The following RCL1 variants were observed in gnomAD, a reference collection of about 807,000 sequenced individuals.
The protein encoded by RCL1 is RNA terminal phosphate cyclase like 1, also known as RNA 3'-terminal phosphate cyclase-like protein.
RCL1 carries 24 observed loss-of-function variants against 42.4 expected under a neutral mutation model. The observed-to-expected ratio is 0.57, with a 90% CI of 0.41 to 0.80. RCL1 has a LOEUF of 0.80. RCL1 is among the 30% of genes least tolerant of loss of function. The pLI is 0.00. For synonymous variants in RCL1, 228 were observed against 177.3 expected (o/e 1.29, Z -2.27); for missense variants, 578 against 467.9 (o/e 1.24, Z -2.17).
intron 3 of RCL1, 129 bp from the exon 4 acceptor site, chr9:4,833,025 T>A: frequency 1.5e-6 from 1 of 660,856 alleles, no homozygotes; most frequent in South Asian, 1.6e-5. Context: ...CGCTCAGTTA[T>A]ATGCCAGCAT....
chr9:4,824,310 A>G (rs1816687429), intron 2 of RCL1, among the ~76,000 whole-genome samples: 2 of 151,358 alleles, frequency 1.3e-5, no homozygotes, highest in Non-Finnish European at 1.5e-5. Context: ...ATTTGCTTAC[A>G]TGGACATTTG....
chr9:4,798,861 C>T (rs562793935), intron 1 of RCL1, among the ~76,000 whole-genome samples: 77 of 147,168 alleles, frequency 5.2e-4, no homozygotes, highest in African/African-American at 1.9e-3. Context: ...TTTTGGCTGC[C>T]CAAAATAAGA....
At chr9:4,831,037 G>A (rs1359422146) in intron 3 of RCL1, among the ~76,000 whole-genome samples, 4 of 152,086 alleles carry the variant, frequency 2.6e-5, no homozygotes, top group Non-Finnish European at 5.9e-5. Context: ...CTCATTTTAC[G>A]AAGGAGGAAA....
In RCL1 at chr9:4,834,150, C is replaced by A; in HGVS notation, c.469C>A (p.Arg157=). ...CTCACTCTCTGTGTAGATTGTGCGACGGGGAATGCCTCCCGGAGGAGGAGG... is the reference window on the plus strand; with the variant it reads ...CTCACTCTCTGTGTAGATTGTGCGAAGGGGAATGCCTCCCGGAGGAGGAGG... ...GESFELKIVR[R]GMPPGGGGEV... Residue 157 remains arginine (R), a synonymous_variant, in exon 5 of 9, where the codon CGG becomes AGG. Coordinates refer to ENST00000381750, the MANE Select transcript of RCL1 (RefSeq NM_005772.5). 6.2e-7 allele frequency: 1 copy of A among 1,604,146 alleles called. No individual in the cohort carries two copies. Among genetic ancestry groups the A allele is most frequent in the Non-Finnish European group, 8.5e-7 (1 of 1,174,894 alleles).
chr9:4,844,439 A>T, intron 6 of RCL1, 86 bp from the exon 7 acceptor site: 1 of 1,051,978 alleles, frequency 9.5e-7, no homozygotes, highest in Non-Finnish European at 1.4e-6. Flanking sequence ...CGTCAAAAAA[A>T]ATGTTTGTCT....
At chr9:4,839,623 C>G (rs1466025341) in intron 5 of RCL1, 1 of 979,328 alleles carries the variant, frequency 1.0e-6, no homozygotes, top group East Asian at 1.1e-4. Context: ...ACATTCTGGA[C>G]TGAAGAGATG....
At chr9:4,817,523 C>T (rs917116972) in intron 1 of RCL1, among the ~76,000 whole-genome samples, 17 of 149,936 alleles carry the variant, frequency 1.1e-4, no homozygotes, top group Non-Finnish European at 2.4e-4. Context: ...ATCCAGGCCA[C>T]AGTGCAGTGG....
At chr9:4,850,493 C>CTTTTTTTT (rs35181848) in intron 8 of RCL1, 4 of 136,956 alleles carry the variant, frequency 2.9e-5, no homozygotes, top group Non-Finnish European at 4.3e-5. Flanking sequence ...TTTTTTTTTT[C>CTTTTTTTT]TTTTTTTTTT....
intron 1 of RCL1, among the ~76,000 whole-genome samples, chr9:4,805,519 A>G (rs577131477): frequency 5.3e-5 from 8 of 152,366 alleles, no homozygotes; most frequent in African/African-American, 1.9e-4. Context: ...AAAGTTTTAT[A>G]TACAAAAGTT....
chr9:4,826,432 A>G (rs549034104), intron 2 of RCL1, among the ~76,000 whole-genome samples: 1 of 150,462 alleles, frequency 6.6e-6, no homozygotes, highest in South Asian at 2.2e-4. Flanking sequence ...TTGGTGAATG[A>G]GGTATATGAG....
chr9:4,811,806 A>G (rs1816186740), intron 1 of RCL1, among the ~76,000 whole-genome samples: 1 of 152,168 alleles, frequency 6.6e-6, no homozygotes, highest in African/African-American at 2.4e-5. Flanking sequence ...ACTAATTTAC[A>G]TTTCCACCAA....
intron 1 of RCL1, among the ~76,000 whole-genome samples, chr9:4,818,056 G>A (rs371296178): frequency 1.3e-5 from 2 of 151,334 alleles, no homozygotes; most frequent in African/African-American, 4.9e-5. Flanking sequence ...AAGTAGCTGA[G>A]ATTACAGTTG....
chr9:4,834,408 A>G (rs1817052843), intron 5 of RCL1, 143 bp downstream of exon 5: 2 of 842,384 alleles, frequency 2.4e-6, no homozygotes, highest in Non-Finnish European at 3.4e-6. Context: ...TGAAATTGTA[A>G]TTGCTGGCTG....
At chr9:4,832,105 A>C (rs1041475548) in intron 3 of RCL1, among the ~76,000 whole-genome samples, 1 of 152,220 alleles carries the variant, frequency 6.6e-6, no homozygotes, top group African/African-American at 2.4e-5. Context: ...GTTAGATAAC[A>C]GTACCTGATT....
At chr9:4,806,614 A>G (rs1815979781) in intron 1 of RCL1, among the ~76,000 whole-genome samples, 2 of 151,482 alleles carry the variant, frequency 1.3e-5, no homozygotes, top group South Asian at 4.2e-4. Flanking sequence ...ACACACACAC[A>G]CACACACACA....
At chr9:4,846,680 C>G (rs1008924530) in intron 7 of RCL1, among the ~76,000 whole-genome samples, 1 of 152,114 alleles carries the variant, frequency 6.6e-6, no homozygotes, top group African/African-American at 2.4e-5. Flanking sequence ...GTGGCCTTCT[C>G]TCTAACTATG....
At chr9:4,850,384 A>G (rs781053371) in intron 8 of RCL1, 4 of 529,222 alleles carry the variant, frequency 7.6e-6, no homozygotes, top group Admixed American at 1.9e-5. Context: ...GTGCCATCAC[A>G]TTGAGAAAGG....
At chr9:4,822,042 A>G (rs1489350619) in intron 1 of RCL1, among the ~76,000 whole-genome samples, 1 of 152,266 alleles carries the variant, frequency 6.6e-6, no homozygotes, top group Non-Finnish European at 1.5e-5. Flanking sequence ...GAAAGTAAGC[A>G]TGCAACACAC....
chr9:4,855,628 A>G (rs947399282), intron 8 of RCL1, among the ~76,000 whole-genome samples: 4 of 151,538 alleles, frequency 2.6e-5, no homozygotes, highest in Admixed American at 2.0e-4. Flanking sequence ...GGGATTTAAT[A>G]TTGTCTGTGG....
Sources: gnomAD v4.1 joint callset for allele counts (sites outside exome capture counted in the v4.1 genomes callset) on GRCh38, gnomAD v4.1.1 for gene constraint, MANE v1.5 for transcripts, NCBI Gene and HGNC (gene_info 2026-07-23, HGNC 2026-07-21) for gene names.